The following MSANTD3 variants were observed in gnomAD, a reference collection of about 807,000 sequenced individuals.
The protein encoded by MSANTD3 is myb/SANT-like DNA-binding domain-containing protein 3.
A neutral mutation model predicts 27.7 loss-of-function variants in MSANTD3; 11 were observed. That is an observed-to-expected ratio of 0.40 (90% CI 0.25 to 0.66). The LOEUF is 0.66. Ranked by LOEUF, MSANTD3 falls within the 30% of genes least tolerant of loss-of-function variation. The probability of loss-of-function intolerance (pLI) is 0.41; values close to 1 mark genes in which losing one functional copy is unlikely to be tolerated. For synonymous variants in MSANTD3, 131 were observed against 127.2 expected, an observed-to-expected ratio of 1.03 and a Z score of -0.20; for missense variants, 250 against 336.5, an observed-to-expected ratio of 0.74 and a Z score of 2.01.
chr9:100,436,226 G>A (rs1836474871), intron 1 of MSANTD3, among the ~76,000 whole-genome samples: 2 of 152,122 alleles, frequency 1.3e-5, no homozygotes. Context: ...ATAGCTCACT[G>A]TAGCCTCTAA....
In MSANTD3 at chr9:100,450,820, C is replaced by G. The variant is rs778686576; in HGVS notation, c.682C>G (p.Arg228Gly). The change falls in exon 3 of 3, where the codon CGA (arginine) becomes GGA (glycine). Residue 228 changes from arginine to glycine, a missense_variant. Coordinates refer to ENST00000395067, the MANE Select transcript of MSANTD3 (RefSeq NM_080655.3). ...TGTGGCCAAAATCCAGCAGATAGAG[C>G]GAGAGTGTGAGATGGCAGAGGAGGA... ...VHVAKIQQIE[R>G]ECEMAEEEHR... 1.2e-6 allele frequency: 2 copies of G among 1,614,012 alleles called. No individual in the cohort carries two copies. The highest frequency in any genetic ancestry group is 1.7e-6 in the Non-Finnish European group (2 of 1,179,996).
intron 1 of MSANTD3, among the ~76,000 whole-genome samples, chr9:100,438,265 T>G (rs531354397): frequency 4.6e-5 from 7 of 152,168 alleles, no homozygotes; most frequent in Non-Finnish European, 8.8e-5. Context: ...AATAGGGAGA[T>G]GGACATGCTC....
At chr9:100,434,286 G>T (rs139592918) in intron 1 of MSANTD3, among the ~76,000 whole-genome samples, 1 of 152,136 alleles carries the variant, frequency 6.6e-6, no homozygotes, top group Non-Finnish European at 1.5e-5. Flanking sequence ...TCCCAACACT[G>T]GGAGGCTGAG....
intron 2 of MSANTD3, among the ~76,000 whole-genome samples, chr9:100,445,424 C>T (rs1350184453): frequency 2.0e-5 from 3 of 152,020 alleles, no homozygotes; most frequent in African/African-American, 7.3e-5. Flanking sequence ...TTGTGCACAC[C>T]ACATTTTGAA....
In MSANTD3 at chr9:100,451,183, G is replaced by A; in HGVS notation, c.*217G>A. 2.0e-6 allele frequency: 1 copy of A among 489,132 alleles called. No individual in the cohort carries two copies. The highest frequency in any genetic ancestry group is 3.8e-5 in the Admixed American group (1 of 26,434). 30.3% of individuals were successfully genotyped at this position (489,132 alleles called of 1,614,324 possible). Reference sequence around the variant, plus strand: ...AGTCTTCTGAAAATTATCACTATGAGTGCTATAATTCTGAATATAATGTCT... The same window carrying A: ...AGTCTTCTGAAAATTATCACTATGAATGCTATAATTCTGAATATAATGTCT... On this transcript the variant is annotated 3_prime_UTR_variant, in exon 3 of 3. Coordinates refer to ENST00000395067, the MANE Select transcript of MSANTD3 (RefSeq NM_080655.3).
intron 2 of MSANTD3, chr9:100,448,827 C>T (rs1387004663): frequency 1.0e-6 from 1 of 985,162 alleles, no homozygotes; most frequent in Non-Finnish European, 1.2e-6. Context: ...TTCTGGATGG[C>T]ACCGAAGTAC....
At chr9:100,445,047 G>C (rs1836720770) in intron 2 of MSANTD3, 1 of 637,248 alleles carries the variant, frequency 1.6e-6, no homozygotes, top group African/African-American at 1.8e-5. Flanking sequence ...GGAGAACCTT[G>C]GTGCTTTGTC....
intron 2 of MSANTD3, chr9:100,445,220 G>C: frequency 3.7e-6 from 6 of 1,605,770 alleles, no homozygotes; most frequent in Non-Finnish European, 5.1e-6. Context: ...ATCCTTTCTG[G>C]GACTTGGTAG....
chr9:100,427,335 GCCCTCGCGCCTCGCCGGC>G lies in MSANTD3; in HGVS notation c.-86_-69del, dbSNP rs927213811. 6 of 146,312 alleles carry G rather than the reference GCCCTCGCGCCTCGCCGGC, an allele frequency of 4.1e-5. No individual in the cohort carries two copies. The highest frequency in any genetic ancestry group is 7.6e-5 in the Non-Finnish European group (5 of 65,820). 9.1% of individuals were successfully genotyped at this position (146,312 alleles called of 1,614,324 possible). ...CTTGCGAGAGGAGCCCAGGCCGCCC[GCCCTCGCGCCTCGCCGGC>G]CCCTCCCCCGGTCGCCGCGGCTGCC... On this transcript the variant is annotated 5_prime_UTR_variant, in exon 1 of 3. Transcript: ENST00000395067.
chr9:100,428,358 A>G (rs1836290581), intron 1 of MSANTD3, among the ~76,000 whole-genome samples: 1 of 152,182 alleles, frequency 6.6e-6, no homozygotes, highest in Admixed American at 6.5e-5. Context: ...AGATGATTGT[A>G]TTCCAAGGAA....
Position 100,450,859 on chromosome 9 carries a change from A to C in MSANTD3, c.721A>C (p.Met241Leu), listed in dbSNP as rs1281280774. The stretch of plus-strand genomic sequence containing the variant: ...GGCAGAGGAGGAACACAGGATAAAA[A>C]TGGAAGTTCTCAATAAAAAGAAGAT... ...EMAEEEHRIK[M>L]EVLNKKKMYW... The change falls in exon 3 of 3, where the codon ATG (methionine) becomes CTG (leucine). Residue 241 changes from methionine to leucine, a missense_variant. Physicochemically the swap from Met to Leu is conservative, Grantham distance 15 (BLOSUM62 2). Transcript: ENST00000395067. The C allele has an allele frequency of 6.2e-7, 1 of 1,614,188 alleles. No individual in the cohort carries two copies.
chr9:100,448,096 T>G (rs1489072666), intron 2 of MSANTD3: 1 of 457,012 alleles, frequency 2.2e-6, no homozygotes, highest in Non-Finnish European at 2.8e-6. Context: ...GAGGCTGAAG[T>G]GGGAGGGTCA....
At chr9:100,438,316 A>G (rs571823814) in intron 1 of MSANTD3, among the ~76,000 whole-genome samples, 53 of 152,348 alleles carry the variant, frequency 3.5e-4, no homozygotes, top group African/African-American at 1.2e-3. Context: ...AACATTTTAC[A>G]AGGACAAGTT....
intron 1 of MSANTD3, among the ~76,000 whole-genome samples, chr9:100,433,871 C>T (rs190233867): frequency 8.5e-5 from 13 of 152,220 alleles, no homozygotes; most frequent in East Asian, 7.7e-4. Context: ...CTTTACCTCC[C>T]GAGTTGTGGC....
Position 100,442,067 on chromosome 9 carries a change from C to T in MSANTD3, c.129C>T (p.Ala43=), listed in dbSNP as rs757166438. 12 of 1,614,096 alleles carry T rather than the reference C, an allele frequency of 7.4e-6. No individual in the cohort carries two copies. Among genetic ancestry groups the T allele is most frequent in the Admixed American group, 1.7e-5 (1 of 60,004 alleles). The part of the protein sequence containing the change: ...ECKKSDARTI[A]LKQRTWQALA... Reference sequence around the variant, plus strand: ...AGAAAAGTGATGCGCGAACTATTGCCCTTAAGCAGCGTACCTGGCAGGCGC... The same window carrying T: ...AGAAAAGTGATGCGCGAACTATTGCTCTTAAGCAGCGTACCTGGCAGGCGC... The change falls in exon 2 of 3, where the codon GCC becomes GCT. Residue 43 remains alanine, a synonymous_variant. Coordinates refer to ENST00000395067, the MANE Select transcript of MSANTD3 (RefSeq NM_080655.3).
At chr9:100,440,870 C>T (rs892225317) in intron 1 of MSANTD3, among the ~76,000 whole-genome samples, 1 of 141,420 alleles carries the variant, frequency 7.1e-6, no homozygotes, top group African/African-American at 2.7e-5. Context: ...AGCAATTTAC[C>T]TACCTCAGCC....
intron 1 of MSANTD3, among the ~76,000 whole-genome samples, chr9:100,428,662 T>C (rs566599757): frequency 2.0e-5 from 3 of 152,230 alleles, no homozygotes; most frequent in East Asian, 1.9e-4. Flanking sequence ...GCCAAAAATA[T>C]TCAGATTGAT....
rs375680272 is a variant in MSANTD3 at position 100,432,932 on chromosome 9, A to G, written c.-34+5539A>G. 6.6e-5 allele frequency among the ~76,000 whole-genome samples: 10 copies of G among 152,230 alleles called. No individual in the cohort carries two copies. The East Asian group carries it at 1.9e-3, about 29-fold the overall frequency. ...ACCAGTACTGGATAGGACTTTAGAG[A>G]ATACCCCCTTGAGCTTTATAATTTA... On this transcript the variant is annotated intron_variant, in intron 1 of 2. Coordinates refer to ENST00000395067, the MANE Select transcript of MSANTD3 (RefSeq NM_080655.3).
intron 2 of MSANTD3, among the ~76,000 whole-genome samples, chr9:100,445,894 T>G (rs1011821659): frequency 1.3e-5 from 2 of 152,200 alleles, no homozygotes; most frequent in African/African-American, 4.8e-5. Context: ...GTATAACACT[T>G]AGGAATATAT....
Sources: gnomAD v4.1 joint callset for allele counts (sites outside exome capture counted in the v4.1 genomes callset) on GRCh38, gnomAD v4.1.1 for gene constraint, MANE v1.5 for transcripts, NCBI Gene and HGNC (gene_info 2026-07-23, HGNC 2026-07-21) for gene names.